The following RDX variants were observed in gnomAD, a reference collection of about 807,000 sequenced individuals.
RDX encodes the protein radixin.
Under a neutral mutation model 83.7 loss-of-function variants are expected in RDX, and 32 were observed. That is an observed-to-expected ratio of 0.38 (90% CI 0.29 to 0.51). The LOEUF is 0.51. Ranked by LOEUF, RDX falls within the 20% of genes least tolerant of loss-of-function variation. The pLI is 0.87. For missense variants in RDX, 600 were observed against 689.9 expected (o/e 0.87, Z 1.46); for synonymous variants, 229 against 222.7 (o/e 1.03, Z -0.25).
At chr11:110,188,144 A>C (rs1358675528) in intron 15 of RDX, among the ~76,000 whole-genome samples, 1 of 152,004 alleles carries the variant, frequency 6.6e-6, no homozygotes, top group Non-Finnish European at 1.5e-5. Flanking sequence ...AAATATAAAA[A>C]TTAACCAGGC....
chr11:110,269,899 G>A (rs927600356), intron 3 of RDX, among the ~76,000 whole-genome samples: 4 of 151,934 alleles, frequency 2.6e-5, no homozygotes, highest in South Asian at 2.1e-4. Context: ...AAAATTAGCC[G>A]GGCATGGTGG....
intron 12 of RDX, 43 bp downstream of exon 12, chr11:110,236,056 T>C: frequency 7.4e-7 from 1 of 1,349,988 alleles, no homozygotes. Flanking sequence ...ATCCTGGGTA[T>C]AAAAGCTATT....
intron 14 of RDX, among the ~76,000 whole-genome samples, chr11:110,216,541 CTTT>C (rs11432416): frequency 1.5e-5 from 2 of 136,680 alleles, no homozygotes; most frequent in Non-Finnish European, 3.1e-5. Flanking sequence ...AATTTTTTTT[CTTT>C]TTTTTTTTTT....
Position 110,233,276 on chromosome 11 carries a change from G to A in RDX, c.1548C>T (p.Thr516=), listed in dbSNP as rs764664139. 1.7e-5 allele frequency: 28 copies of A among 1,613,584 alleles called. 1 individual carries two copies. The Admixed American group carries it at 2.7e-4, about 15-fold the overall frequency. ...MNHRSEEERV[T]ETQKNERVKK... ...TAACACGCTCATTTTTCTGTGTTTC[G>A]GTTACACGTTCTTCCTCGCTTCTAT... The change falls in exon 13 of 14, where the codon ACC becomes ACT. Residue 516 remains threonine (T), a synonymous_variant. Transcript: ENST00000645495.
chr11:110,261,236 C>T (rs908389047), intron 5 of RDX, among the ~76,000 whole-genome samples: 8 of 152,178 alleles, frequency 5.3e-5, no homozygotes, highest in African/African-American at 1.4e-4. Flanking sequence ...CATCTTCCCC[C>T]TCAAATGTAT....
At chr11:110,267,557 C>CAT (rs1282093237) in intron 3 of RDX, among the ~76,000 whole-genome samples, 5 of 147,934 alleles carry the variant, frequency 3.4e-5, no homozygotes, top group African/African-American at 1.3e-4. Flanking sequence ...CACACACACA[C>CAT]ACACACACAA....
downstream of RDX, among the ~76,000 whole-genome samples, chr11:110,227,223 G>A (rs1466238567): frequency 6.6e-6 from 1 of 152,024 alleles, no homozygotes; most frequent in African/African-American, 2.4e-5. Context: ...TTGTAATACA[G>A]TGCAAGAAGA....
chr11:110,268,308 C>CA (rs1565325469), intron 3 of RDX, among the ~76,000 whole-genome samples: 2 of 116,300 alleles, frequency 1.7e-5, no homozygotes, highest in African/African-American at 3.4e-5. Context: ...GACTCTGTTT[C>CA]GGGGAAAAAA....
At chr11:110,207,664 G>A (rs1863655865) in intron 14 of RDX, among the ~76,000 whole-genome samples, 1 of 151,840 alleles carries the variant, frequency 6.6e-6, no homozygotes, top group East Asian at 1.9e-4. Context: ...TGTGACACAT[G>A]AATTGTATGA....
At chr11:110,288,502 A>G (rs1379529940) in intron 1 of RDX, 2 of 152,254 alleles carry the variant, frequency 1.3e-5, no homozygotes, top group Admixed American at 6.5e-5. Context: ...AGTCACTTAT[A>G]TAACAGGAAA....
chr11:110,180,763 C>G (rs1862871251), intron 15 of RDX, among the ~76,000 whole-genome samples: 1 of 151,766 alleles, frequency 6.6e-6, no homozygotes, highest in African/African-American at 2.4e-5. Flanking sequence ...CTTTGCCTGG[C>G]TTTATCCTTC....
rs371472097 is a variant in RDX, at chr11:110,240,929, G to A, written c.1091-3277C>T. Among the ~76,000 whole-genome samples, 291 of 150,156 alleles carry A rather than the reference G, an allele frequency of 1.9e-3. 1 individual carries two copies. The highest frequency in any genetic ancestry group is 6.8e-3 in the African/African-American group (277 of 40,876). ...AAATTAGCTGGGTGTGGTGGCGGGCGCCTGTAACCTCAGCTACTCAGGAGG... is the reference window on the plus strand; with the variant it reads ...AAATTAGCTGGGTGTGGTGGCGGGCACCTGTAACCTCAGCTACTCAGGAGG... On this transcript the variant is annotated intron_variant, in intron 10 of 13. Transcript: ENST00000645495.
intron 1 of RDX, among the ~76,000 whole-genome samples, chr11:110,281,627 AT>A (rs1282257386): frequency 2.0e-5 from 3 of 152,066 alleles, no homozygotes. Flanking sequence ...AGGCAATGAA[AT>A]TCTGCTGGAG....
chr11:110,201,008 T>C (rs938603230), intron 14 of RDX, among the ~76,000 whole-genome samples: 1 of 151,956 alleles, frequency 6.6e-6, no homozygotes, highest in Non-Finnish European at 1.5e-5. Flanking sequence ...AAATCCTGTC[T>C]CTACTAAAAA....
chr11:110,285,127 G>A (rs1860929343), intron 1 of RDX, among the ~76,000 whole-genome samples: 1 of 152,074 alleles, frequency 6.6e-6, no homozygotes, highest in Admixed American at 6.5e-5. Context: ...GGTGGCTCAT[G>A]CCTGTAATCT....
rs1863944274 is a variant in RDX, at chr11:110,214,213, T to C, written c.1749-14535A>G. ...ACAGACACTTCTCAAAAGAAGACAT[T>C]TATGCAGCCAAAAAACACATGAAAA... On this transcript the variant is annotated intron_variant, in intron 14 of 15. Transcript: ENST00000528498. Among the ~76,000 whole-genome samples the C allele has an allele frequency of 2.6e-5, 4 of 151,200 alleles. No homozygotes were observed. In the South Asian group the frequency reaches 8.4e-4, roughly 32 times the overall value.
intron 5 of RDX, among the ~76,000 whole-genome samples, chr11:110,262,761 G>A (rs1205209557): frequency 1.3e-5 from 2 of 152,070 alleles, no homozygotes; most frequent in Non-Finnish European, 2.9e-5. Context: ...TCCCCACTTT[G>A]CAGATTTAGA....
downstream of RDX, among the ~76,000 whole-genome samples, chr11:110,226,810 T>C (rs555349192): frequency 5.1e-4 from 77 of 152,316 alleles, no homozygotes; most frequent in African/African-American, 1.8e-3. Context: ...AGGATAACTT[T>C]ATTAACTGGT....
chr11:110,249,467 C>G (rs1480384463), intron 9 of RDX, among the ~76,000 whole-genome samples: 1 of 152,160 alleles, frequency 6.6e-6, no homozygotes, highest in Non-Finnish European at 1.5e-5. Context: ...TTGGGGCAAA[C>G]AGGTAGAGGT....
Sources: allele counts gnomAD v4.1 joint callset (sites outside exome capture counted in the v4.1 genomes callset), GRCh38; gene constraint gnomAD v4.1.1; transcripts MANE v1.5; gene names NCBI Gene and HGNC (gene_info 2026-07-23, HGNC 2026-07-21).